CDYL: variants seen among roughly 807,000 people sequenced by gnomAD.
CDYL encodes the protein chromodomain Y-like protein.
Under a neutral mutation model 47.3 loss-of-function variants are expected in CDYL, and 8 were observed. The ratio of observed to expected loss-of-function variants is 0.17; its 90% CI spans 0.10 to 0.31. The LOEUF is 0.31. Among genes scored for constraint, CDYL ranks in the 10% least tolerant of loss-of-function variants. The pLI is 1.00. For missense variants in CDYL, 471 were observed against 701.4 expected (o/e 0.67, Z 3.71); for synonymous variants, 266 against 265.0 (o/e 1.00, Z -0.04).
chr6:4,900,791 A>C (rs866345170), intron 2 of CDYL, among the ~76,000 whole-genome samples: 1 of 44,206 alleles, frequency 2.3e-5, no homozygotes, highest in Non-Finnish European at 4.6e-5. Flanking sequence ...ATATATATAT[A>C]TATATATATA....
At chr6:4,869,118 C>T (rs571930018) in intron 1 of CDYL, among the ~76,000 whole-genome samples, 35 of 150,182 alleles carry the variant, frequency 2.3e-4, no homozygotes, top group East Asian at 1.2e-3. Flanking sequence ...TTTTTCGAGA[C>T]GGAGTCCTGC....
chr6:4,721,993 G>A (rs530504842), intron 2 of CDYL, among the ~76,000 whole-genome samples: 2 of 151,988 alleles, frequency 1.3e-5, no homozygotes, highest in Non-Finnish European at 2.9e-5. Context: ...CTCCTGACTA[G>A]CTGGGATTAT....
At chr6:4,777,079 A>C (rs1266588629) in intron 1 of CDYL, among the ~76,000 whole-genome samples, 5 of 141,862 alleles carry the variant, frequency 3.5e-5, no homozygotes, top group Non-Finnish European at 7.6e-5. Context: ...ACTTGCTCGG[A>C]CTGAGCTCAA....
chr6:4,934,673 A>G (rs545618881), intron 2 of CDYL, among the ~76,000 whole-genome samples: 2 of 152,270 alleles, frequency 1.3e-5, no homozygotes, highest in East Asian at 3.9e-4. Flanking sequence ...AATTATTTGC[A>G]TTCTTAACCA....
At chr6:4,724,320 G>A (rs982186502) in intron 2 of CDYL, 13 of 151,952 alleles carry the variant, frequency 8.6e-5, no homozygotes, top group Non-Finnish European at 1.6e-4. Context: ...CAACGTGATG[G>A]GATTATAGAC....
intron 3 of CDYL, among the ~76,000 whole-genome samples, chr6:4,756,580 A>ATGTGTGTGTCTG (rs1758078156): frequency 7.0e-6 from 1 of 142,812 alleles, no homozygotes; most frequent in African/African-American, 2.5e-5. Context: ...TATCGTGTGT[A>ATGTGTGTGTCTG]TGTGTGTGTG....
chr6:4,868,713 G>C (rs1373137323), intron 1 of CDYL, among the ~76,000 whole-genome samples: 1 of 152,130 alleles, frequency 6.6e-6, no homozygotes, highest in Admixed American at 6.5e-5. Flanking sequence ...ATCAGTTATT[G>C]ATAGTGGGCT....
At chr6:4,746,511 G>T (rs911461924) in intron 3 of CDYL, among the ~76,000 whole-genome samples, 1 of 152,182 alleles carries the variant, frequency 6.6e-6, no homozygotes, top group East Asian at 1.9e-4. Flanking sequence ...GGAATGGATA[G>T]TAATGAAGAG....
rs141355475 is a variant in CDYL at position 4,868,059 on chromosome 6, T to C, written c.25-23654T>C. On this transcript the variant is annotated intron_variant, in intron 1 of 6. Coordinates refer to ENST00000397588, the MANE Select transcript of CDYL (RefSeq NM_004824.4). Reference sequence around the variant, plus strand: ...TATCAGTTTTGTTGAACCTTTCACATAACTTATTTTTTGGTTTGAAGTATT... The same window carrying C: ...TATCAGTTTTGTTGAACCTTTCACACAACTTATTTTTTGGTTTGAAGTATT... Among the ~76,000 whole-genome samples, 33 of 152,092 alleles carry C rather than the reference T, an allele frequency of 2.2e-4. 1 individual carries two copies. In the East Asian group the frequency reaches 4.5e-3, roughly 21 times the overall value.
chr6:4,866,262 T>A (rs1174699001), intron 1 of CDYL, among the ~76,000 whole-genome samples: 2 of 152,178 alleles, frequency 1.3e-5, no homozygotes, highest in Non-Finnish European at 2.9e-5. Context: ...TTTTTCTTTG[T>A]TTTCTTTAAG....
chr6:4,943,887 G>C, intron 5 of CDYL, 131 bp downstream of exon 5: 1 of 687,416 alleles, frequency 1.5e-6, no homozygotes, highest in Non-Finnish European at 2.3e-6. Flanking sequence ...TTGTAATTCA[G>C]ATTTGGGTTC....
At chr6:4,898,831 C>T (rs1419505492) in intron 2 of CDYL, among the ~76,000 whole-genome samples, 1 of 152,184 alleles carries the variant, frequency 6.6e-6, no homozygotes, top group Non-Finnish European at 1.5e-5. Context: ...AATAAATCTG[C>T]ATTATTTTCC....
intron 1 of CDYL, among the ~76,000 whole-genome samples, chr6:4,859,745 T>G (rs1761110183): frequency 6.6e-6 from 1 of 152,106 alleles, no homozygotes; most frequent in Non-Finnish European, 1.5e-5. Flanking sequence ...GGGCATCTGT[T>G]TGCCAGCACC....
At position 4,821,260 on chromosome 6, in the gene CDYL, C is replaced by CTTTTTTTTTT. The variant is rs1176819548; in HGVS notation, c.24+44473_24+44482dup. Reference sequence around the variant, plus strand: ...TGATTATCATGGTCATATGGGAATTCTTTTTTTTTTTTTTTTTTTTTTTTT... The same window carrying CTTTTTTTTTT: ...TGATTATCATGGTCATATGGGAATTCTTTTTTTTTTTTTTTTTTTTTTTTTTTTTTTTTTT... On this transcript the variant is annotated intron_variant, in intron 1 of 6. Transcript: ENST00000397588. Among the ~76,000 whole-genome samples the CTTTTTTTTTT allele has an allele frequency of 5.3e-4, 32 of 60,384 alleles. 1 individual carries two copies. Among genetic ancestry groups the CTTTTTTTTTT allele is most frequent in the East Asian group, 1.7e-3 (3 of 1,766 alleles). The allele number at this position is 60,384 out of a possible 152,430, so 39.6% of individuals were successfully genotyped here. A position where few individuals can be genotyped will look rare whatever the true frequency, so the allele number is the denominator to read the frequency against.
intron 2 of CDYL, among the ~76,000 whole-genome samples, chr6:4,733,777 T>C (rs1298822804): frequency 2.0e-5 from 3 of 152,150 alleles, no homozygotes; most frequent in Admixed American, 2.0e-4. Flanking sequence ...GTGGGCTGTT[T>C]GCTCTTTCTG....
chr6:4,824,723 G>C (rs948767886), intron 1 of CDYL, among the ~76,000 whole-genome samples: 1 of 151,004 alleles, frequency 6.6e-6, no homozygotes, highest in African/African-American at 2.4e-5. Context: ...TTAAAGTTCA[G>C]TTTACCTATT....
In CDYL at chr6:4,762,955, A is replaced by T. The variant is rs1164874755; in HGVS notation, c.186+28111A>T. Among the ~76,000 whole-genome samples the T allele has an allele frequency of 7.9e-5, 12 of 152,310 alleles. No homozygotes were observed. The South Asian group carries it at 2.3e-3, about 29-fold the overall frequency. ...ATAAATCCTAGGAAACCCAACCAGG[A>T]TAAATACACAAACGAATACCTAAAC... On this transcript the variant is annotated intron_variant, in intron 3 of 8. Coordinates refer to the CDYL transcript ENST00000328908.
intron 2 of CDYL, among the ~76,000 whole-genome samples, chr6:4,902,707 G>A (rs934029364): frequency 6.6e-6 from 1 of 152,088 alleles, no homozygotes; most frequent in Non-Finnish European, 1.5e-5. Context: ...TTACACAAAT[G>A]GACTGTTTAT....
chr6:4,875,380 G>A (rs1253428811), intron 1 of CDYL, among the ~76,000 whole-genome samples: 1 of 152,090 alleles, frequency 6.6e-6, no homozygotes, highest in African/African-American at 2.4e-5. Context: ...GATTGGGATT[G>A]TATTGTATCT....
Sources: gnomAD v4.1 joint callset for allele counts (sites outside exome capture counted in the v4.1 genomes callset) on GRCh38, gnomAD v4.1.1 for gene constraint, MANE v1.5 for transcripts, NCBI Gene and HGNC (gene_info 2026-07-23, HGNC 2026-07-21) for gene names.